ERI1: variants seen among roughly 807,000 people sequenced by gnomAD.
The protein encoded by ERI1 is exoribonuclease 1, also known as 3'-5' exoribonuclease 1.
A neutral mutation model predicts 39.7 loss-of-function variants in ERI1; 39 were observed. That is an observed-to-expected ratio of 0.98 (90% CI 0.76 to 1.28). The LOEUF (loss-of-function observed/expected upper bound fraction) is 1.28, where lower values mean the gene tolerates loss of function less well. Among genes scored for constraint, ERI1 ranks in the 50% most tolerant of loss-of-function variants. The pLI is 0.00. For synonymous variants in ERI1, 204 were observed against 149.6 expected, an observed-to-expected ratio of 1.36 and a Z score of -2.65; for missense variants, 581 against 416.9, an observed-to-expected ratio of 1.39 and a Z score of -3.43.
intron 3 of ERI1, among the ~76,000 whole-genome samples, chr8:9,087,920 A>C (rs916807492): frequency 2.0e-5 from 3 of 152,238 alleles, no homozygotes; most frequent in African/African-American, 7.2e-5. Context: ...CCCAGGATAC[A>C]AGACTTTCAG....
chr8:9,019,199 A>C (rs1042876840), intron 5 of ERI1, among the ~76,000 whole-genome samples: 2 of 152,218 alleles, frequency 1.3e-5, no homozygotes, highest in African/African-American at 4.8e-5. Flanking sequence ...ACGTTGTGCC[A>C]GGGCAACTCC....
chr8:9,089,568 A>C (rs572415824), intron 3 of ERI1, among the ~76,000 whole-genome samples: 97 of 152,324 alleles, frequency 6.4e-4, no homozygotes, highest in African/African-American at 2.1e-3. Flanking sequence ...AGGAGGAAGC[A>C]GAGAGGAGCC....
intron 3 of ERI1, chr8:9,088,505 G>A (rs35973329): frequency 0.095 from 14,521 of 152,210 alleles, 820 homozygotes; most frequent in Middle Eastern, 0.18. Flanking sequence ...ACCACAGCTT[G>A]TGTGGGAAGG....
At chr8:9,063,146 G>A (rs940468584) in intron 3 of ERI1, among the ~76,000 whole-genome samples, 5 of 152,138 alleles carry the variant, frequency 3.3e-5, no homozygotes, top group East Asian at 1.9e-4. Context: ...ATTTAATGTC[G>A]GCAGCAGATT....
chr8:9,072,840 AGTGTGCTCG>A (rs1384010319), intron 3 of ERI1, among the ~76,000 whole-genome samples: 1 of 151,842 alleles, frequency 6.6e-6, no homozygotes, highest in Non-Finnish European at 1.5e-5. Flanking sequence ...GTCAGCACCG[AGTGTGCTCG>A]GGTGAACTGC....
At chr8:9,003,986 A>G in intron 1 of ERI1, 1 of 856,750 alleles carries the variant, frequency 1.2e-6, no homozygotes, top group Non-Finnish European at 1.7e-6. Context: ...TCCCCTCCTG[A>G]GTCACTTCCA....
intron 3 of ERI1, among the ~76,000 whole-genome samples, chr8:9,050,725 C>A (rs6981060): frequency 0.44 from 67,348 of 151,526 alleles, 16,148 homozygotes; most frequent in African/African-American, 0.58. Context: ...AATGGAGAAG[C>A]CTGGATTCCG....
chr8:9,080,741 C>G (rs77525819), intron 3 of ERI1, among the ~76,000 whole-genome samples: 21,596 of 152,100 alleles, frequency 0.14, 1,715 homozygotes, highest in Middle Eastern at 0.2. Context: ...TTCATTTGCC[C>G]CTCCCCCAAG....
chr8:9,084,247 A>G (rs1361264055), intron 3 of ERI1, among the ~76,000 whole-genome samples: 1 of 152,154 alleles, frequency 6.6e-6, no homozygotes, highest in Non-Finnish European at 1.5e-5. Flanking sequence ...CCTGGGAAAC[A>G]GTGAGATTGA....
intron 3 of ERI1, among the ~76,000 whole-genome samples, chr8:9,049,233 G>A (rs923094189): frequency 2.7e-5 from 4 of 147,910 alleles, no homozygotes; most frequent in Admixed American, 7.0e-5. Context: ...CTACTCAGGA[G>A]ACTGAGGCAG....
chr8:9,093,518 A>C (rs1348395390), intron 3 of ERI1, among the ~76,000 whole-genome samples: 6 of 150,794 alleles, frequency 4.0e-5, no homozygotes, highest in Non-Finnish European at 8.8e-5. Context: ...AAAAAAAAAA[A>C]AAAAGAAGAA....
Position 9,015,186 on chromosome 8 carries a change from A to T in ERI1, c.499-1136A>T, listed in dbSNP as rs17155102. On this transcript the variant is annotated intron_variant, in intron 3 of 6. Transcript: ENST00000250263. ...CTGTTGCTCATTTACAATTCTTTACAACCATTTATAGCTCATCCACTTAAT... is the reference window on the plus strand; with the variant it reads ...CTGTTGCTCATTTACAATTCTTTACTACCATTTATAGCTCATCCACTTAAT... Among the ~76,000 whole-genome samples the T allele has an allele frequency of 5.5e-3, 833 of 152,262 alleles. 8 individuals are homozygous for T. The highest frequency in any genetic ancestry group is 0.019 in the African/African-American group (782 of 41,544).
chr8:9,006,176 T>G (rs1224785169), intron 1 of ERI1, among the ~76,000 whole-genome samples: 1 of 152,248 alleles, frequency 6.6e-6, no homozygotes, highest in Non-Finnish European at 1.5e-5. Context: ...CAGATTGATT[T>G]GAGCATCCTT....
intron 6 of ERI1, among the ~76,000 whole-genome samples, chr8:9,028,461 C>T (rs1797341277): frequency 1.3e-5 from 2 of 152,214 alleles, no homozygotes; most frequent in South Asian, 4.1e-4. Context: ...ACATCATTTG[C>T]TTTGTGATTA....
chr8:9,052,651 G>T (rs957278966), intron 3 of ERI1, among the ~76,000 whole-genome samples: 4 of 152,220 alleles, frequency 2.6e-5, no homozygotes, highest in African/African-American at 9.6e-5. Context: ...GATACATTTA[G>T]GGAAACTGCA....
In ERI1 at chr8:9,016,309, C is replaced by T. The variant is rs748218783; in HGVS notation, c.499-13C>T. 3.2e-6 allele frequency: 5 copies of T among 1,556,852 alleles called. No homozygotes were observed. The highest frequency in any genetic ancestry group is 4.4e-6 in the Non-Finnish European group (5 of 1,140,140). Reference sequence around the variant, plus strand: ...CATATAAATTACTTTAACTTGCTATCCTTCCCTTGCAGGAAGACACGTTTC... The same window carrying T: ...CATATAAATTACTTTAACTTGCTATTCTTCCCTTGCAGGAAGACACGTTTC... On this transcript the variant is annotated splice_polypyrimidine_tract_variant and intron_variant, in intron 3 of 6. Coordinates refer to ENST00000250263, the MANE Select transcript of ERI1 (RefSeq NM_153332.4).
At chr8:9,097,305 C>T (rs915191872) in intron 3 of ERI1, among the ~76,000 whole-genome samples, 2 of 152,146 alleles carry the variant, frequency 1.3e-5, no homozygotes. Context: ...TTGTGCTAGG[C>T]ATTGCATTTG....
rs1250006583 is a variant in ERI1, at chr8:9,003,039, A to C, written c.-25A>C. ...AGTTAGCAAGTGTCCGGCTCCAGCA[A>C]CTCTCCTCTGGCGTGACAGCCGGCA... On this transcript the variant is annotated 5_prime_UTR_variant, in exon 1 of 7. Coordinates refer to ENST00000250263, the MANE Select transcript of ERI1 (RefSeq NM_153332.4). 1.6e-6 allele frequency: 2 copies of C among 1,232,584 alleles called. No individual in the cohort carries two copies. Among genetic ancestry groups the C allele is most frequent in the Non-Finnish European group, 1.0e-6 (1 of 975,248 alleles). 76.4% of individuals were successfully genotyped at this position (1,232,584 alleles called of 1,614,324 possible). A position where few individuals can be genotyped will look rare whatever the true frequency, so the allele number is the denominator to read the frequency against.
intron 3 of ERI1, among the ~76,000 whole-genome samples, chr8:9,055,077 G>C (rs1319458401): frequency 6.6e-6 from 1 of 152,230 alleles, no homozygotes; most frequent in Non-Finnish European, 1.5e-5. Flanking sequence ...ATCAGCAGCT[G>C]CCTGAGCCAG....
Sources: gnomAD v4.1 joint callset for allele counts (sites outside exome capture counted in the v4.1 genomes callset) on GRCh38, gnomAD v4.1.1 for gene constraint, MANE v1.5 for transcripts, NCBI Gene and HGNC (gene_info 2026-07-23, HGNC 2026-07-21) for gene names.